KLRG1: variants seen among roughly 807,000 people sequenced by gnomAD.
KLRG1 encodes the protein killer cell lectin-like receptor subfamily G member 1.
KLRG1 carries 16 observed loss-of-function variants against 21.8 expected under a neutral mutation model. The observed-to-expected ratio is 0.73, with a 90% confidence interval of 0.50 to 1.11. The LOEUF (loss-of-function observed/expected upper bound fraction) is 1.11, where lower values mean the gene tolerates loss of function less well. Among genes scored for constraint, KLRG1 ranks in the 50% most tolerant of loss-of-function variants. The probability of loss-of-function intolerance (pLI) is 0.00; values close to 1 mark genes in which losing one functional copy is unlikely to be tolerated. For missense variants in KLRG1, 173 were observed against 218.3 expected (o/e 0.79, Z 1.31); for synonymous variants, 69 against 75.9 (o/e 0.91, Z 0.47).
rs750010366 is a variant in KLRG1, at chr12:8,970,436, T to A, written c.-156+20200T>A. ...TACCAAAGTCACTCAAGGAAACAGA[T>A]AGCCTGTATATTCCCCTATCCACTG... is the stretch of plus-strand genomic sequence containing the variant. On this transcript the variant is annotated intron_variant, in intron 1 of 4. Transcript: ENST00000539240. 3 of 152,336 alleles carry A rather than the reference T, an allele frequency of 2.0e-5. No individual in the cohort carries two copies. The East Asian group carries it at 5.8e-4, about 29-fold the overall frequency. The allele number at this position is 152,336 out of a possible 1,614,324, so 9.4% of individuals were successfully genotyped here.
At chr12:9,117,132 A>G in the KLRG1 span, among the ~76,000 whole-genome samples, 1 of 152,192 alleles carries the variant, frequency 6.6e-6, no homozygotes, top group Non-Finnish European at 1.5e-5. Context: ...GATGCAAAGG[A>G]GGGAGAAGAA....
chr12:9,062,636 A>T, the KLRG1 span, among the ~76,000 whole-genome samples: 9 of 147,750 alleles, frequency 6.1e-5, no homozygotes, highest in Non-Finnish European at 1.0e-4. Flanking sequence ...TATATTATAC[A>T]TATACATTTA....
the KLRG1 span, among the ~76,000 whole-genome samples, chr12:9,034,851 A>G: frequency 6.6e-6 from 1 of 152,230 alleles, no homozygotes; most frequent in Non-Finnish European, 1.5e-5. Context: ...GAGGTTTTCC[A>G]GAACAAGGCA....
chr12:9,102,012 A>G, the KLRG1 span, among the ~76,000 whole-genome samples: 5 of 152,178 alleles, frequency 3.3e-5, no homozygotes, highest in Admixed American at 6.5e-5. Flanking sequence ...CATTGAGGAG[A>G]GTAAATAATC....
At chr12:9,041,613 C>T in the KLRG1 span, among the ~76,000 whole-genome samples, 1 of 152,178 alleles carries the variant, frequency 6.6e-6, no homozygotes, top group Non-Finnish European at 1.5e-5. Flanking sequence ...TCTCTTGGCA[C>T]ATTTGCACTT....
At chr12:9,058,967 C>T in the KLRG1 span, 1 of 152,594 alleles carries the variant, frequency 6.6e-6, no homozygotes, top group Non-Finnish European at 1.5e-5. Flanking sequence ...TTGAAGAAGT[C>T]TATACATAAA....
the KLRG1 span, among the ~76,000 whole-genome samples, chr12:9,024,695 G>C: frequency 6.6e-6 from 1 of 152,182 alleles, no homozygotes; most frequent in Non-Finnish European, 1.5e-5. Context: ...TCACAAGGCA[G>C]AGATAAGGTG....
the KLRG1 span, among the ~76,000 whole-genome samples, chr12:9,081,394 A>T: frequency 6.6e-6 from 1 of 152,208 alleles, no homozygotes; most frequent in African/African-American, 2.4e-5. Context: ...GCATTTAGGT[A>T]ATAAAGAGGA....
At chr12:9,193,718 AGT>A in the KLRG1 span, among the ~76,000 whole-genome samples, 5 of 151,906 alleles carry the variant, frequency 3.3e-5, no homozygotes, top group East Asian at 5.8e-4. Context: ...GTGTATATTA[AGT>A]GTGTGTGTGT....
the KLRG1 span, chr12:9,150,783 A>G: frequency 7.4e-7 from 1 of 1,351,102 alleles, no homozygotes; most frequent in Non-Finnish European, 1.1e-6. Context: ...GAACCTAGAA[A>G]ACCTCCTTCT....
At chr12:9,112,443 C>G in the KLRG1 span, 1 of 1,613,924 alleles carries the variant, frequency 6.2e-7, no homozygotes, top group Non-Finnish European at 8.5e-7. Flanking sequence ...TCGTTCTTAA[C>G]CATCACTGTG....
At chr12:9,181,869 G>A in the KLRG1 span, 2 of 1,261,304 alleles carry the variant, frequency 1.6e-6, no homozygotes, top group South Asian at 1.6e-5. Flanking sequence ...GGAACTGTTG[G>A]GCAACTCATT....
At chr12:9,024,115 C>T in the KLRG1 span, among the ~76,000 whole-genome samples, 2 of 145,116 alleles carry the variant, frequency 1.4e-5, no homozygotes, top group African/African-American at 2.6e-5. Flanking sequence ...GCAACCTCCT[C>T]CTCCCAGGTT....
At chr12:9,152,831 T>C in the KLRG1 span, 2 of 1,614,106 alleles carry the variant, frequency 1.2e-6, no homozygotes, top group South Asian at 1.1e-5. Flanking sequence ...TACCTGATGG[T>C]CAGTGAGATC....
chr12:9,209,441 A>G, the KLRG1 span, among the ~76,000 whole-genome samples: 1 of 152,188 alleles, frequency 6.6e-6, no homozygotes. Context: ...ATATATATAT[A>G]TACTCACAAA....
At chr12:9,116,322 A>G in the KLRG1 span, 231 of 211,360 alleles carry the variant, frequency 1.1e-3, no homozygotes, top group Non-Finnish European at 1.7e-3. Flanking sequence ...CAAGTTCTCC[A>G]TTAGATATGC....
chr12:8,965,105 A>C (rs1220826435), intron 1 of KLRG1, among the ~76,000 whole-genome samples: 1 of 152,224 alleles, frequency 6.6e-6, no homozygotes, highest in Non-Finnish European at 1.5e-5. Flanking sequence ...ATCTCAATAG[A>C]TGCAGAAAAG....
At chr12:9,192,076 C>T in the KLRG1 span, 20 of 824,294 alleles carry the variant, frequency 2.4e-5, no homozygotes, top group Admixed American at 6.6e-5. Flanking sequence ...TATTTTCCTG[C>T]GTGTCCTCCT....
the KLRG1 span, chr12:9,091,322 G>A: frequency 6.2e-7 from 1 of 1,614,236 alleles, no homozygotes; most frequent in Non-Finnish European, 8.5e-7. Flanking sequence ...GAGAGAGGCA[G>A]TGGAAGAGAT....
Sources: gnomAD v4.1 joint callset for allele counts (sites outside exome capture counted in the v4.1 genomes callset) on GRCh38, gnomAD v4.1.1 for gene constraint, MANE v1.5 for transcripts, NCBI Gene and HGNC (gene_info 2026-07-23, HGNC 2026-07-21) for gene names.